The following RGS7 variants were observed in gnomAD, a reference collection of about 807,000 sequenced individuals.
RGS7 encodes the protein regulator of G protein signaling 7.
In RGS7, 27 loss-of-function variants were observed where a neutral mutation model predicts 81.1. The observed-to-expected ratio is 0.33, with a 90% CI of 0.25 to 0.46. RGS7 has a LOEUF of 0.46. Ranked by LOEUF, RGS7 falls within the 20% of genes least tolerant of loss-of-function variation. RGS7 has a pLI of 1.00. For synonymous variants in RGS7, 208 were observed against 207.7 expected (o/e 1.00, Z -0.01); for missense variants, 396 against 607.4 (o/e 0.65, Z 3.66).
chr1:240,961,689 A>G (rs867795172), intron 4 of RGS7, among the ~76,000 whole-genome samples: 2 of 152,216 alleles, frequency 1.3e-5, no homozygotes, highest in Admixed American at 6.5e-5. Flanking sequence ...GGCATTTGGC[A>G]TTGAACTGGT....
chr1:240,810,739 G>A (rs1689708351), intron 14 of RGS7, among the ~76,000 whole-genome samples: 1 of 152,238 alleles, frequency 6.6e-6, no homozygotes, highest in East Asian at 1.9e-4. Context: ...GTGAGCCCTC[G>A]CACCTAGCCT....
chr1:240,868,117 G>GGAAGGAAAGAAAGAAA lies in RGS7; in HGVS notation c.609+469_609+470insTTTCTTTCTTTCCTTC, dbSNP rs1663727269. Among the ~76,000 whole-genome samples, 3 of 122,444 alleles carry GGAAGGAAAGAAAGAAA rather than the reference G, an allele frequency of 2.5e-5. No individual in the cohort carries two copies. The highest frequency in any genetic ancestry group is 4.8e-5 in the Non-Finnish European group (3 of 62,724). The allele number at this position is 122,444 out of a possible 152,430, so 80.3% of individuals were successfully genotyped here. On this transcript the variant is annotated intron_variant, in intron 9 of 18. Coordinates refer to ENST00000440928, the MANE Select transcript of RGS7 (RefSeq NM_001364886.1). The surrounding 1 kb of genome is among the most constrained non-coding windows in gnomAD (Gnocchi z 5.1). The stretch of plus-strand genomic sequence containing the variant: ...GAAAAGAAAAAGAAAGAAAAGAAAA[G>GGAAGGAAAGAAAGAAA]GAAAGAAAGAAAGAAAGAAAGAAAG...
intron 2 of RGS7, among the ~76,000 whole-genome samples, chr1:241,162,936 G>A (rs965818581): frequency 6.6e-6 from 1 of 152,168 alleles, no homozygotes; most frequent in African/African-American, 2.4e-5. Flanking sequence ...TAAAGCCCAT[G>A]TCATATTTAG....
chr1:241,064,797 G>A (rs2061965718), intron 3 of RGS7, among the ~76,000 whole-genome samples: 1 of 152,172 alleles, frequency 6.6e-6, no homozygotes, highest in South Asian at 2.1e-4. Flanking sequence ...TACTCTGGAT[G>A]TTCTTTGTGC....
intron 4 of RGS7, among the ~76,000 whole-genome samples, chr1:240,973,835 C>T (rs1177092107): frequency 6.6e-6 from 1 of 152,146 alleles, no homozygotes; most frequent in Non-Finnish European, 1.5e-5. Flanking sequence ...CCGCCTCGGC[C>T]TCCCAAAGTG....
chr1:241,347,792 A>G (rs191057451), intron 2 of RGS7, among the ~76,000 whole-genome samples: 1 of 152,168 alleles, frequency 6.6e-6, no homozygotes, highest in Non-Finnish European at 1.5e-5. Context: ...AAAAGAGAAA[A>G]AAAGTCATAA....
intron 2 of RGS7, among the ~76,000 whole-genome samples, chr1:241,299,214 T>C (rs1164800202): frequency 1.3e-5 from 2 of 152,204 alleles, no homozygotes. Flanking sequence ...CTGAAAACTT[T>C]CAAGTTTCCC....
At position 241,045,618 on chromosome 1, in the gene RGS7, C is replaced by T. The variant is rs1005359280; in HGVS notation, c.175+53048G>A. On this transcript the variant is annotated intron_variant, in intron 3 of 18. Coordinates refer to ENST00000440928, the MANE Select transcript of RGS7 (RefSeq NM_001364886.1). ...ATCTCATGTGATCCTCCTGTCTCAG[C>T]CTCCCAAACTGCTGGGATTACAGGC... Among the ~76,000 whole-genome samples the T allele has an allele frequency of 2.0e-5, 3 of 152,174 alleles. No homozygotes were observed. In the South Asian group the frequency reaches 6.2e-4, roughly 32 times the overall value.
At position 240,961,929 on chromosome 1, in the gene RGS7, G is replaced by A. The variant is rs369579228; in HGVS notation, c.226+21150C>T. ...AAGAAGGCAGAGAGGAAGGAAGGGAGGAAGGAAAATAAAAAGAGAGAGAAG... is the reference window on the plus strand; with the variant it reads ...AAGAAGGCAGAGAGGAAGGAAGGGAAGAAGGAAAATAAAAAGAGAGAGAAG... On this transcript the variant is annotated intron_variant, in intron 4 of 18. Coordinates refer to ENST00000440928, the MANE Select transcript of RGS7 (RefSeq NM_001364886.1). Among the ~76,000 whole-genome samples, 100 of 152,092 alleles carry A rather than the reference G, an allele frequency of 6.6e-4. 2 individuals are homozygous for A. In the South Asian group the frequency reaches 0.019, roughly 29 times the overall value.
intron 2 of RGS7, among the ~76,000 whole-genome samples, chr1:241,310,446 AGTGT>A (rs895556318): frequency 3.9e-4 from 44 of 111,934 alleles, no homozygotes; most frequent in Admixed American, 2.6e-3. Flanking sequence ...TGTGTGTGTG[AGTGT>A]GTGTGTGTGA....
At chr1:241,143,364 A>T (rs1387201822) in intron 2 of RGS7, among the ~76,000 whole-genome samples, 1 of 152,198 alleles carries the variant, frequency 6.6e-6, no homozygotes, top group Non-Finnish European at 1.5e-5. Flanking sequence ...TTGCCAATTT[A>T]CAAAAGAAAG....
intron 2 of RGS7, among the ~76,000 whole-genome samples, chr1:241,201,391 C>T (rs1332078307): frequency 6.6e-6 from 1 of 152,164 alleles, no homozygotes; most frequent in Non-Finnish European, 1.5e-5. Flanking sequence ...CTTGGCCTGT[C>T]AACCTAAAAG....
At position 241,303,903 on chromosome 1, in the gene RGS7, G is replaced by A. The variant is rs2079925469; in HGVS notation, c.78+51796C>T. 2.0e-5 allele frequency among the ~76,000 whole-genome samples: 3 copies of A among 152,168 alleles called. No homozygotes were observed. In the South Asian group the frequency reaches 6.2e-4, roughly 31 times the overall value. The stretch of plus-strand genomic sequence containing the variant: ...TTTTGGGGGGCAAGACTTCTTCATA[G>A]GTGCAGGTGGTGCACGTCCATCAGA... On this transcript the variant is annotated intron_variant, in intron 2 of 18. Transcript: ENST00000440928.
chr1:241,069,326 G>A (rs2062287016), intron 3 of RGS7, among the ~76,000 whole-genome samples: 1 of 152,118 alleles, frequency 6.6e-6, no homozygotes, highest in Non-Finnish European at 1.5e-5. Context: ...ATACAATGCT[G>A]ACACATCCCG....
chr1:240,779,232 C>G (rs1683544447), intron 18 of RGS7, among the ~76,000 whole-genome samples: 1 of 151,838 alleles, frequency 6.6e-6, no homozygotes, highest in South Asian at 2.1e-4. Context: ...TGGAGGGCCT[C>G]AAATTGCTTG....
chr1:241,118,946 C>A (rs2066056456), intron 2 of RGS7, among the ~76,000 whole-genome samples: 1 of 152,120 alleles, frequency 6.6e-6, no homozygotes, highest in East Asian at 1.9e-4. Context: ...AATAATCACT[C>A]TTTGAGCCAC....
rs75299068 is a variant in RGS7 at position 241,225,988 on chromosome 1, A to C, written c.79-127226T>G. On this transcript the variant is annotated intron_variant, in intron 2 of 18. Coordinates refer to ENST00000440928, the MANE Select transcript of RGS7 (RefSeq NM_001364886.1). ...AGCTGACATTTTCAACACCACTTGA[A>C]ACTTGGGCTTGGAGCCAGGAGAAAG... Among the ~76,000 whole-genome samples, 500 of 152,296 alleles carry C rather than the reference A, an allele frequency of 3.3e-3. 4 individuals are homozygous for C. The highest frequency in any genetic ancestry group is 0.011 in the African/African-American group (467 of 41,576).
chr1:241,157,056 A>C (rs2069210436), intron 2 of RGS7, among the ~76,000 whole-genome samples: 1 of 152,154 alleles, frequency 6.6e-6, no homozygotes, highest in South Asian at 2.1e-4. Flanking sequence ...AATCCCTAGC[A>C]AGAGTAAGTA....
chr1:240,911,017 T>G (rs1671666098), intron 6 of RGS7, among the ~76,000 whole-genome samples: 1 of 152,136 alleles, frequency 6.6e-6, no homozygotes, highest in South Asian at 2.1e-4. Context: ...AAAAAAAAAT[T>G]TTTTTTAAAG....
Sources: gnomAD v4.1 joint callset for allele counts (sites outside exome capture counted in the v4.1 genomes callset) on GRCh38, gnomAD v4.1.1 for gene constraint, Gnocchi (gnomAD v3.1) non-coding constraint, MANE v1.5 for transcripts, NCBI Gene and HGNC (gene_info 2026-07-23, HGNC 2026-07-21) for gene names.